Variants in MAP3K2 observed in about 807,000 individuals in gnomAD.
The protein encoded by MAP3K2 is mitogen-activated protein kinase kinase kinase 2, also known as MAP/ERK kinase kinase 2.
Under a neutral mutation model 80.3 loss-of-function variants are expected in MAP3K2, and 24 were observed. The ratio of observed to expected loss-of-function variants is 0.30; its 90% CI spans 0.22 to 0.42. The LOEUF is 0.42. MAP3K2 is among the 10% of genes least tolerant of loss of function. MAP3K2 has a pLI of 1.00. For missense variants in MAP3K2, 608 were observed against 750.1 expected (o/e 0.81, Z 2.21); for synonymous variants, 244 against 253.7 (o/e 0.96, Z 0.36).
At chr2:127,326,483 T>C (rs1686143891) in intron 8 of MAP3K2, among the ~76,000 whole-genome samples, 1 of 152,180 alleles carries the variant, frequency 6.6e-6, no homozygotes, top group Non-Finnish European at 1.5e-5. Context: ...TTGAGCAATA[T>C]AAAACCAGCT....
rs1685580402 is a variant in MAP3K2, at chr2:127,300,990, TAA to T, written c.*6587_*6588del. ...ACATATGCTTTTAAAAAATAAATTC[TAA>T]AAAAATATTTAAAAAGAAGTGAACT... On this transcript the variant is annotated 3_prime_UTR_variant, in exon 17 of 17. Transcript: ENST00000682094. The T allele has an allele frequency of 6.6e-6, 1 of 152,168 alleles. No individual in the cohort carries two copies. The highest frequency in any genetic ancestry group is 1.5e-5 in the Non-Finnish European group (1 of 68,016). The allele number at this position is 152,168 out of a possible 1,614,324, so 9.4% of individuals were successfully genotyped here.
chr2:127,345,651 T>C (rs758076567), intron 1 of MAP3K2, among the ~76,000 whole-genome samples: 33 of 152,304 alleles, frequency 2.2e-4, no homozygotes, highest in Non-Finnish European at 4.1e-4. Flanking sequence ...AGTAACTACA[T>C]GGATTGAAAT....
At chr2:127,317,836 A>G in intron 13 of MAP3K2, 76 bp from the exon 14 acceptor site, 2 of 1,350,078 alleles carry the variant, frequency 1.5e-6, no homozygotes, top group Non-Finnish European at 2.0e-6. Context: ...TGGACCATCA[A>G]GGTGATTTCA....
intron 1 of MAP3K2, among the ~76,000 whole-genome samples, chr2:127,346,304 A>C (rs2104853970): frequency 6.6e-6 from 1 of 151,682 alleles, no homozygotes; most frequent in South Asian, 2.1e-4. Flanking sequence ...ATTTGAACAG[A>C]CCTATAAAAA....
intron 1 of MAP3K2, among the ~76,000 whole-genome samples, chr2:127,352,383 ATT>A (rs1490146308): frequency 4.6e-5 from 7 of 152,142 alleles, no homozygotes; most frequent in Non-Finnish European, 1.0e-4. Flanking sequence ...ACGAGTCTCC[ATT>A]CTTCACCCCA....
intron 14 of MAP3K2, among the ~76,000 whole-genome samples, chr2:127,315,655 C>T (rs1299940177): frequency 6.6e-6 from 1 of 152,184 alleles, no homozygotes; most frequent in African/African-American, 2.4e-5. Context: ...ACAGAATAGG[C>T]CAGGCACAGT....
intron 15 of MAP3K2, 88 bp from the exon 16 acceptor site, chr2:127,308,850 A>C: frequency 6.6e-6 from 9 of 1,355,298 alleles, no homozygotes; most frequent in Non-Finnish European, 9.1e-6. Flanking sequence ...ATTACTTCAT[A>C]GACTCTTTGA....
rs950674509 is a variant in MAP3K2, at chr2:127,303,334, A to AG, written c.*4244_*4245insC. 1 of 151,468 alleles carries AG rather than the reference A, an allele frequency of 6.6e-6. No individual in the cohort carries two copies. Among genetic ancestry groups the AG allele is most frequent in the Non-Finnish European group, 1.5e-5 (1 of 67,828 alleles). The allele number at this position is 151,468 out of a possible 1,614,324, so 9.4% of individuals were successfully genotyped here. A position where few individuals can be genotyped will look rare whatever the true frequency, so the allele number is the denominator to read the frequency against. ...TTAAAAGAGACACTGGGGAAAAAAA[A>AG]AAAAAAGAACAAAAAAACACTGTTA... On this transcript the variant is annotated 3_prime_UTR_variant, in exon 17 of 17. Transcript: ENST00000682094.
At chr2:127,347,762 T>G (rs1044276100) in intron 1 of MAP3K2, among the ~76,000 whole-genome samples, 10 of 152,074 alleles carry the variant, frequency 6.6e-5, no homozygotes, top group Non-Finnish European at 1.3e-4. Flanking sequence ...GAAACTGCAA[T>G]AGGCACTGAA....
At chr2:127,350,014 G>A (rs1686664384) in intron 1 of MAP3K2, among the ~76,000 whole-genome samples, 1 of 151,914 alleles carries the variant, frequency 6.6e-6, no homozygotes, top group Non-Finnish European at 1.5e-5. Context: ...TTGCTACCAC[G>A]CCCAGCTAAT....
chr2:127,374,102 C>T (rs939496040), intron 1 of MAP3K2, among the ~76,000 whole-genome samples: 10 of 152,160 alleles, frequency 6.6e-5, no homozygotes, highest in Non-Finnish European at 1.0e-4. Flanking sequence ...ATAATTCCCT[C>T]ACTCATTCTG....
chr2:127,376,113 A>G (rs1203831926), intron 1 of MAP3K2, among the ~76,000 whole-genome samples: 2 of 152,218 alleles, frequency 1.3e-5, no homozygotes, highest in Non-Finnish European at 2.9e-5. Context: ...AACTGTAGGA[A>G]GATGCAAACC....
chr2:127,347,434 A>G (rs1686616010), intron 1 of MAP3K2, among the ~76,000 whole-genome samples: 1 of 152,274 alleles, frequency 6.6e-6, no homozygotes, highest in African/African-American at 2.4e-5. Flanking sequence ...ATATTTCTAT[A>G]CATTAGCAAT....
Position 127,317,648 on chromosome 2 carries a change from A to T in MAP3K2, c.1307T>A (p.Phe436Tyr), listed in dbSNP as rs766276577. The change falls in exon 14 of 17, where the codon TTT becomes TAT. Residue 436 changes from phenylalanine (F) to tyrosine (Y), a missense_variant. This residue lies in a region of MAP3K2 where 467 missense variants were observed against 521.9 expected (regional missense o/e 0.89). Coordinates refer to ENST00000682094, the MANE Select transcript of MAP3K2 (RefSeq NM_001371910.2). ...RDPQEKTLSI[F>Y]MEYMPGGSIK... ...ACTTACCCCTGGCATATATTCCATA[A>T]ATATGGAAAGTGTTTTTTCCTGGGG... 10 of 1,577,214 alleles carry T rather than the reference A, an allele frequency of 6.3e-6. No homozygotes were observed. Among genetic ancestry groups the T allele is most frequent in the Admixed American group, 5.5e-5 (3 of 54,798 alleles).
At chr2:127,388,184 G>A (rs952405818), upstream of MAP3K2, 16 of 984,400 alleles carry the variant, frequency 1.6e-5, no homozygotes, top group African/African-American at 5.3e-5. Flanking sequence ...CCCCGGCCTC[G>A]GCCCCGCCCC....
chr2:127,308,637 T>C lies in MAP3K2; in HGVS notation c.1582A>G (p.Met528Val). The change falls in exon 16 of 17, where the codon ATG becomes GTG. Residue 528 changes from methionine to valine, a missense_variant. This residue lies in a region of MAP3K2 where 88 missense variants were observed against 132.4 expected (regional missense o/e 0.66). Coordinates refer to ENST00000682094, the MANE Select transcript of MAP3K2 (RefSeq NM_001371910.2). ...MKSVTGTPYWMSPEVISGEGY... is the reference protein window; with the variant it reads ...MKSVTGTPYWVSPEVISGEGY... ...TCTCCACTGATGACTTCAGGGCTCATCCAGTATGGTGTGCCCGTGACAGAC... is the reference window on the plus strand; with the variant it reads ...TCTCCACTGATGACTTCAGGGCTCACCCAGTATGGTGTGCCCGTGACAGAC... 6.2e-7 allele frequency: 1 copy of C among 1,613,628 alleles called. No individual in the cohort carries two copies. Among genetic ancestry groups the C allele is most frequent in the Non-Finnish European group, 8.5e-7 (1 of 1,179,626 alleles).
At chr2:127,332,596 T>C (rs554969162) in intron 5 of MAP3K2, among the ~76,000 whole-genome samples, 1 of 152,240 alleles carries the variant, frequency 6.6e-6, no homozygotes, top group Non-Finnish European at 1.5e-5. Flanking sequence ...AGTCCCAGGT[T>C]ATCTACATTA....
intron 2 of MAP3K2, among the ~76,000 whole-genome samples, chr2:127,340,615 C>A (rs1686460473): frequency 6.6e-6 from 1 of 151,650 alleles, no homozygotes; most frequent in African/African-American, 2.4e-5. Context: ...TGAGATTGCA[C>A]CACTGCACTC....
At chr2:127,343,306 T>C in intron 1 of MAP3K2, 112 bp from the exon 2 acceptor site, 5 of 539,778 alleles carry the variant, frequency 9.3e-6, no homozygotes, top group Admixed American at 6.6e-5. Flanking sequence ...ACAATATGAA[T>C]ACTTTACACA....
Sources: allele counts gnomAD v4.1 joint callset (sites outside exome capture counted in the v4.1 genomes callset), GRCh38; gene constraint gnomAD v4.1.1; regional missense constraint gnomAD v4.1.1; transcripts MANE v1.5; gene names NCBI Gene and HGNC (gene_info 2026-07-23, HGNC 2026-07-21).